The following RBFOX2 variants were observed in gnomAD, a reference collection of about 807,000 sequenced individuals.
The protein encoded by RBFOX2 is RNA binding fox-1 homolog 2.
RBFOX2 carries 10 observed loss-of-function variants against 49.1 expected under a neutral mutation model. That is an observed-to-expected ratio of 0.20 (90% confidence interval 0.13 to 0.35). RBFOX2 has a LOEUF of 0.35. RBFOX2 is among the 10% of genes least tolerant of loss of function. RBFOX2 has a pLI of 1.00. For synonymous variants in RBFOX2, 183 were observed against 187.4 expected, an observed-to-expected ratio of 0.98 and a Z score of 0.19; for missense variants, 323 against 486.9, an observed-to-expected ratio of 0.66 and a Z score of 3.17.
intron 2 of RBFOX2, among the ~76,000 whole-genome samples, chr22:35,801,428 TACACACAC>T (rs10623033): frequency 1.4e-5 from 2 of 143,516 alleles, no homozygotes; most frequent in Admixed American, 6.9e-5. Flanking sequence ...ATACAACACA[TACACACAC>T]ACACACACAC....
chr22:35,804,329 GA>G lies in RBFOX2; in HGVS notation c.252+5450del, dbSNP rs981684994. Among the ~76,000 whole-genome samples, 10 of 150,266 alleles carry G rather than the reference GA, an allele frequency of 6.7e-5. No homozygotes were observed. The South Asian group carries it at 1.9e-3, about 29-fold the overall frequency. On this transcript the variant is annotated intron_variant, in intron 2 of 11. Coordinates refer to ENST00000405409, the Ensembl canonical transcript of RBFOX2. ...AGAGGCCCAGGAAGAGAGAAGAAAG[GA>G]AAAAAAAATTTGAAGAAATTATGGT...
At chr22:35,992,907 G>A (rs2058041982) in intron 1 of RBFOX2, 2 of 152,086 alleles carry the variant, frequency 1.3e-5, no homozygotes, top group South Asian at 2.1e-4. Context: ...TCCCTACTTG[G>A]AGGCAGAAAA....
intron 1 of RBFOX2, among the ~76,000 whole-genome samples, chr22:35,862,503 T>C (rs1390760598): frequency 6.6e-6 from 1 of 152,106 alleles, no homozygotes; most frequent in African/African-American, 2.4e-5. Context: ...ATTAGCCCCC[T>C]GCTAGAGAAC....
Position 35,745,915 on chromosome 22 carries a change from A to G in RBFOX2, c.1049+8T>C, listed in dbSNP as rs745984965. ...GTTTTATAAAGCAATGGTATATTATATACTTACCACAGCGCCAACTCCATA... is the reference window on the plus strand; with the variant it reads ...GTTTTATAAAGCAATGGTATATTATGTACTTACCACAGCGCCAACTCCATA... On this transcript the variant is annotated splice_region_variant and intron_variant, in intron 11 of 11. Coordinates refer to ENST00000405409, the Ensembl canonical transcript of RBFOX2. The G allele has an allele frequency of 6.2e-7, 1 of 1,608,716 alleles. No individual in the cohort carries two copies. Among genetic ancestry groups the G allele is most frequent in the Non-Finnish European group, 8.5e-7 (1 of 1,174,978 alleles).
chr22:35,865,925 T>C lies in RBFOX2; in HGVS notation c.-33-55921A>G, dbSNP rs145354995. ...AAATCAAGGAAAAAAATTAAAATTGTTAACACAATAAGCAACAACATGCCA... is the reference window on the plus strand; with the variant it reads ...AAATCAAGGAAAAAAATTAAAATTGCTAACACAATAAGCAACAACATGCCA... On this transcript the variant is annotated intron_variant, in intron 1 of 13. Transcript: ENST00000359369. Among the ~76,000 whole-genome samples the C allele has an allele frequency of 2.5e-4, 38 of 152,310 alleles. No individual in the cohort carries two copies. In the East Asian group the frequency reaches 7.3e-3, roughly 29 times the overall value.
At chr22:35,773,325 T>C (rs1943151851) in intron 4 of RBFOX2, among the ~76,000 whole-genome samples, 6 of 152,032 alleles carry the variant, frequency 3.9e-5, no homozygotes, top group Admixed American at 3.9e-4. Context: ...CTCCCCTAAC[T>C]ACAGCCTAAA....
chr22:35,893,579 C>T (rs2047500098), intron 1 of RBFOX2, among the ~76,000 whole-genome samples: 1 of 152,164 alleles, frequency 6.6e-6, no homozygotes, highest in South Asian at 2.1e-4. Context: ...GCGAAAACTA[C>T]TTAATGCACA....
intron 1 of RBFOX2, among the ~76,000 whole-genome samples, chr22:35,978,205 C>T (rs1436491058): frequency 6.6e-6 from 1 of 152,008 alleles, no homozygotes; most frequent in Non-Finnish European, 1.5e-5. Flanking sequence ...AAGAGGTTGG[C>T]TGCATTTAAT....
At chr22:35,925,618 T>C (rs1173511187) in intron 1 of RBFOX2, among the ~76,000 whole-genome samples, 1 of 152,130 alleles carries the variant, frequency 6.6e-6, no homozygotes, top group East Asian at 1.9e-4. Context: ...GAAGGTAGCA[T>C]TTGAAGTGAG....
chr22:35,906,574 A>G (rs2049147697), intron 1 of RBFOX2, among the ~76,000 whole-genome samples: 1 of 152,216 alleles, frequency 6.6e-6, no homozygotes, highest in African/African-American at 2.4e-5. Flanking sequence ...TAATCCCAGC[A>G]CTTTCTGGGG....
exon 12 of RBFOX2, chr22:35,741,469 G>A (rs1929922213): frequency 6.6e-6 from 1 of 152,360 alleles, no homozygotes; most frequent in African/African-American, 2.4e-5. Flanking sequence ...CCTGCCTCTG[G>A]TGAAGTTGAC....
intron 1 of RBFOX2, among the ~76,000 whole-genome samples, chr22:35,836,729 C>T (rs1957748536): frequency 6.6e-6 from 1 of 152,212 alleles, no homozygotes; most frequent in Non-Finnish European, 1.5e-5. Flanking sequence ...CTTTCACATC[C>T]ATACTGTAAA....
exon 12 of RBFOX2, chr22:35,739,181 C>G (rs1487500134): frequency 6.5e-6 from 1 of 152,750 alleles, no homozygotes; most frequent in Non-Finnish European, 1.5e-5. Flanking sequence ...GCCCCCATGC[C>G]CCAAAGGTAC....
At chr22:35,761,823 C>T (rs1178899589) in intron 6 of RBFOX2, among the ~76,000 whole-genome samples, 3 of 152,002 alleles carry the variant, frequency 2.0e-5, no homozygotes, top group Admixed American at 6.5e-5. Context: ...AAAAGAAGGC[C>T]GACTATATGT....
At chr22:35,919,746 T>C (rs1349264470) in intron 1 of RBFOX2, among the ~76,000 whole-genome samples, 3 of 152,172 alleles carry the variant, frequency 2.0e-5, no homozygotes, top group Non-Finnish European at 4.4e-5. Flanking sequence ...ATCACCTCCT[T>C]TGGGAAGGAA....
chr22:35,861,068 C>T (rs1056428816), intron 1 of RBFOX2, among the ~76,000 whole-genome samples: 3 of 152,076 alleles, frequency 2.0e-5, no homozygotes, highest in East Asian at 1.9e-4. Flanking sequence ...CAGGTGCAAA[C>T]GGAATTCAGT....
chr22:35,877,162 A>T (rs918797909), intron 1 of RBFOX2, among the ~76,000 whole-genome samples: 1 of 152,202 alleles, frequency 6.6e-6, no homozygotes, highest in South Asian at 2.1e-4. Context: ...AAATTAGGTA[A>T]TTTTTTATTT....
chr22:35,973,006 T>A (rs1056628805), intron 1 of RBFOX2, among the ~76,000 whole-genome samples: 1 of 152,146 alleles, frequency 6.6e-6, no homozygotes, highest in Non-Finnish European at 1.5e-5. Flanking sequence ...TTTTAATTGA[T>A]CTCAATAAAT....
At chr22:36,007,265 A>AAT (rs2058653778) in intron 1 of RBFOX2, among the ~76,000 whole-genome samples, 1 of 151,474 alleles carries the variant, frequency 6.6e-6, no homozygotes, top group African/African-American at 2.4e-5. Flanking sequence ...CAAACATATA[A>AAT]ATATATATAA....
Sources: allele counts gnomAD v4.1 joint callset (sites outside exome capture counted in the v4.1 genomes callset), GRCh38; gene constraint gnomAD v4.1.1; transcripts MANE v1.5; gene names NCBI Gene and HGNC (gene_info 2026-07-23, HGNC 2026-07-21).